Variants in PLXNC1 observed in about 807,000 individuals in gnomAD.
PLXNC1 encodes the protein plexin-C1.
Under a neutral mutation model 178.2 loss-of-function variants are expected in PLXNC1, and 75 were observed. That is an observed-to-expected ratio of 0.42 (90% CI 0.35 to 0.51). The LOEUF is 0.51. PLXNC1 is among the 20% of genes least tolerant of loss of function. The probability of loss-of-function intolerance (pLI) is 0.02; values close to 1 mark genes in which losing one functional copy is unlikely to be tolerated. For synonymous variants in PLXNC1, 790 were observed against 779.9 expected (o/e 1.01, Z -0.22); for missense variants, 1,503 against 1,984.4 (o/e 0.76, Z 4.61).
chr12:94,302,592 ACACTT>A (rs1407590518), intron 28 of PLXNC1, among the ~76,000 whole-genome samples: 1 of 152,222 alleles, frequency 6.6e-6, no homozygotes, highest in Non-Finnish European at 1.5e-5. Flanking sequence ...TGTTCTTGAC[ACACTT>A]CACTTAATCC....
At chr12:94,153,108 T>A (rs1961019954) in intron 1 of PLXNC1, among the ~76,000 whole-genome samples, 1 of 152,208 alleles carries the variant, frequency 6.6e-6, no homozygotes, top group Admixed American at 6.5e-5. Context: ...AAGTCTGAGG[T>A]TGATTCTATG....
At chr12:94,250,167 G>T (rs1241267419) in intron 14 of PLXNC1, among the ~76,000 whole-genome samples, 3 of 152,180 alleles carry the variant, frequency 2.0e-5, no homozygotes, top group African/African-American at 7.2e-5. Context: ...TGTGACTGGA[G>T]TGGAGGGAGC....
intron 9 of PLXNC1, among the ~76,000 whole-genome samples, chr12:94,232,234 C>A (rs1472682343): frequency 6.6e-6 from 1 of 152,014 alleles, no homozygotes; most frequent in African/African-American, 2.4e-5. Flanking sequence ...TTACAGGCAC[C>A]CGCCACCATG....
At chr12:94,185,456 A>C (rs1052765388) in intron 3 of PLXNC1, among the ~76,000 whole-genome samples, 4 of 152,196 alleles carry the variant, frequency 2.6e-5, no homozygotes, top group African/African-American at 9.7e-5. Context: ...TTTTGCCTGC[A>C]GAAAGTGCTC....
chr12:94,196,998 C>A (rs1160398503), intron 4 of PLXNC1, among the ~76,000 whole-genome samples: 2 of 152,288 alleles, frequency 1.3e-5, no homozygotes, highest in South Asian at 2.1e-4. Flanking sequence ...GGGCTGAAAC[C>A]AAAGCATTGA....
At chr12:94,277,280 GA>G (rs1221000825) in intron 21 of PLXNC1, 3 of 152,538 alleles carry the variant, frequency 2.0e-5, no homozygotes, top group African/African-American at 7.2e-5. Flanking sequence ...CTGCCCTCAT[GA>G]TCTAATCCCC....
chr12:94,222,185 T>C (rs547988673), intron 6 of PLXNC1, among the ~76,000 whole-genome samples: 2 of 152,222 alleles, frequency 1.3e-5, no homozygotes, highest in South Asian at 4.1e-4. Flanking sequence ...CTATAAAATA[T>C]GCCTCTAAAG....
intron 5 of PLXNC1, among the ~76,000 whole-genome samples, chr12:94,211,942 C>T (rs1963480011): frequency 1.3e-5 from 2 of 152,112 alleles, no homozygotes; most frequent in South Asian, 4.1e-4. Context: ...GGTGGAATGA[C>T]TGATGTGGTG....
At chr12:94,202,834 G>A (rs1963182209) in intron 4 of PLXNC1, among the ~76,000 whole-genome samples, 1 of 152,188 alleles carries the variant, frequency 6.6e-6, no homozygotes, top group Admixed American at 6.5e-5. Context: ...GAAGGCAGGG[G>A]CCAGATCACA....
Position 94,172,968 on chromosome 12 carries a change from A to T in PLXNC1, c.1203+3675A>T, listed in dbSNP as rs116177079. On this transcript the variant is annotated intron_variant, in intron 2 of 30. Coordinates refer to ENST00000258526, the MANE Select transcript of PLXNC1 (RefSeq NM_005761.3). The stretch of plus-strand genomic sequence containing the variant: ...GAAATAGAAGGAATTTAGAGCTCAA[A>T]GGGTCCTTTGAGAGCATCTAATCTG... Among the ~76,000 whole-genome samples the T allele has an allele frequency of 5.5e-3, 843 of 152,240 alleles. 11 individuals carry two copies. Among genetic ancestry groups the T allele is most frequent in the African/African-American group, 0.019 (810 of 41,542 alleles).
intron 2 of PLXNC1, among the ~76,000 whole-genome samples, chr12:94,171,438 C>T (rs371445410): frequency 6.6e-5 from 10 of 152,292 alleles, no homozygotes; most frequent in African/African-American, 1.9e-4. Context: ...GAATTCAGTC[C>T]TCTCCATGAC....
Position 94,259,723 on chromosome 12 carries a change from T to C in PLXNC1, c.3240T>C (p.Ser1080=). The change falls in exon 19 of 31, where the codon TCT becomes TCC. Residue 1080 remains serine, a synonymous_variant. Coordinates refer to ENST00000258526, the MANE Select transcript of PLXNC1 (RefSeq NM_005761.3). ...CCCTTGAAAAGCAGAAGAACTTTTC[T>C]GTGAAGGACAGGTATTAGTCCATTC... is the stretch of plus-strand genomic sequence containing the variant. ...IHTLEKQKNF[S]VKDRCLFASF... The C allele has an allele frequency of 1.2e-6, 2 of 1,608,776 alleles. No homozygotes were observed. Among genetic ancestry groups the C allele is most frequent in the Non-Finnish European group, 1.7e-6 (2 of 1,178,076 alleles).
intron 3 of PLXNC1, 117 bp downstream of exon 3, chr12:94,181,697 C>A: frequency 1.2e-6 from 1 of 850,790 alleles, no homozygotes; most frequent in East Asian, 2.6e-5. Context: ...GTGCCCCAGG[C>A]TTTGAGGAGA....
Position 94,279,660 on chromosome 12 carries a change from G to A in PLXNC1, c.3775+11G>A. The A allele has an allele frequency of 1.9e-6, 3 of 1,613,450 alleles. No individual in the cohort carries two copies. Among genetic ancestry groups the A allele is most frequent in the Non-Finnish European group, 2.5e-6 (3 of 1,179,388 alleles). Reference sequence around the variant, plus strand: ...ATGAAATTGGTCTTGGTAAGGCGGTGCGGGAGCTATGTGGTCCCAGGCCCT... The same window carrying A: ...ATGAAATTGGTCTTGGTAAGGCGGTACGGGAGCTATGTGGTCCCAGGCCCT... On this transcript the variant is annotated intron_variant, in intron 22 of 30. Transcript: ENST00000258526.
At chr12:94,200,989 T>C (rs1963098182) in intron 4 of PLXNC1, among the ~76,000 whole-genome samples, 1 of 152,224 alleles carries the variant, frequency 6.6e-6, no homozygotes, top group Non-Finnish European at 1.5e-5. Context: ...GACAAGAATT[T>C]AGCCATTTTA....
At chr12:94,211,234 C>T (rs1963460295) in intron 5 of PLXNC1, among the ~76,000 whole-genome samples, 1 of 152,192 alleles carries the variant, frequency 6.6e-6, no homozygotes, top group Non-Finnish European at 1.5e-5. Flanking sequence ...GTGGTTTACC[C>T]TAATCTTCCC....
At chr12:94,209,761 T>C in intron 5 of PLXNC1, 57 bp downstream of exon 5, 1 of 1,050,538 alleles carries the variant, frequency 9.5e-7, no homozygotes, top group Admixed American at 1.8e-5. Context: ...GCACAGCGGA[T>C]GCTAAATTTC....
At chr12:94,239,075 T>C (rs1964313365) in intron 10 of PLXNC1, among the ~76,000 whole-genome samples, 1 of 152,198 alleles carries the variant, frequency 6.6e-6, no homozygotes, top group South Asian at 2.1e-4. Flanking sequence ...TTTCTGACTC[T>C]TTATGTTCTC....
intron 9 of PLXNC1, among the ~76,000 whole-genome samples, chr12:94,237,117 A>G (rs1279680075): frequency 6.6e-6 from 1 of 152,200 alleles, no homozygotes; most frequent in Non-Finnish European, 1.5e-5. Context: ...ACATCCAACT[A>G]CTTGATAGTA....
Sources: allele counts gnomAD v4.1 joint callset (sites outside exome capture counted in the v4.1 genomes callset), GRCh38; gene constraint gnomAD v4.1.1; transcripts MANE v1.5; gene names NCBI Gene and HGNC (gene_info 2026-07-23, HGNC 2026-07-21).